RGS6: variants seen among roughly 807,000 people sequenced by gnomAD.
The protein encoded by RGS6 is regulator of G-protein signaling 6.
In RGS6, 30 loss-of-function variants were observed where a neutral mutation model predicts 78.5. That is an observed-to-expected ratio of 0.38 (90% confidence interval 0.29 to 0.52). The LOEUF (loss-of-function observed/expected upper bound fraction) is 0.52. Among genes scored for constraint, RGS6 ranks in the 20% least tolerant of loss-of-function variants. The pLI, the probability that RGS6 is intolerant of heterozygous loss-of-function variation, is 0.85. For missense variants in RGS6, 495 were observed against 609.7 expected, an observed-to-expected ratio of 0.81 and a Z score of 1.98; for synonymous variants, 206 against 206.0, an observed-to-expected ratio of 1.00 and a Z score of 0.00.
At chr14:72,086,504 AT>A (rs1469611148) in intron 2 of RGS6, among the ~76,000 whole-genome samples, 3 of 152,096 alleles carry the variant, frequency 2.0e-5, no homozygotes, top group Non-Finnish European at 4.4e-5. Context: ...AAGGCCTTCT[AT>A]CCTTCTTTGC....
chr14:72,060,992 T>A (rs974355775), intron 2 of RGS6, among the ~76,000 whole-genome samples: 1 of 152,148 alleles, frequency 6.6e-6, no homozygotes, highest in Non-Finnish European at 1.5e-5. Context: ...ATTCAAGACC[T>A]GTAAGGGGAA....
intron 2 of RGS6, among the ~76,000 whole-genome samples, chr14:72,093,335 C>G (rs765636388): frequency 1.3e-5 from 2 of 152,100 alleles, no homozygotes; most frequent in Non-Finnish European, 2.9e-5. Flanking sequence ...TCTACCTCCC[C>G]GGGCTCAAGT....
intron 4 of RGS6, among the ~76,000 whole-genome samples, chr14:72,455,356 C>T (rs982994573): frequency 2.0e-5 from 3 of 152,146 alleles, no homozygotes; most frequent in Non-Finnish European, 2.9e-5. Flanking sequence ...GACTTACCTG[C>T]CCCAAATTAA....
intron 2 of RGS6, among the ~76,000 whole-genome samples, chr14:72,119,641 T>C (rs2095998241): frequency 2.0e-5 from 3 of 152,210 alleles, no homozygotes; most frequent in Non-Finnish European, 4.4e-5. Context: ...AAGGCCATTC[T>C]TGGTGTTAGA....
chr14:71,876,880 A>G, the RGS6 span, among the ~76,000 whole-genome samples: 1 of 152,100 alleles, frequency 6.6e-6, no homozygotes, highest in Non-Finnish European at 1.5e-5. Flanking sequence ...GGTGGTGACA[A>G]AATCTCTCAG....
intron 2 of RGS6, among the ~76,000 whole-genome samples, chr14:72,145,878 G>C (rs756194492): frequency 7.2e-5 from 11 of 152,288 alleles, no homozygotes; most frequent in African/African-American, 1.7e-4. Flanking sequence ...TAGGGATAAA[G>C]GGCTCCCCTG....
intron 3 of RGS6, among the ~76,000 whole-genome samples, chr14:72,433,518 A>G (rs1198072811): frequency 1.3e-5 from 2 of 152,178 alleles, no homozygotes; most frequent in Non-Finnish European, 2.9e-5. Flanking sequence ...TTAAAAAAAA[A>G]AGAATAATCC....
chr14:71,904,811 ACTTTTCCTGATATTTGG>A, the RGS6 span, among the ~76,000 whole-genome samples: 18 of 150,576 alleles, frequency 1.2e-4, no homozygotes, highest in Admixed American at 2.7e-4. Flanking sequence ...TTGAATTTAT[ACTTTTCCTGATATTTGG>A]CTTTTCCTGA....
chr14:72,316,273 C>A (rs1048196912), intron 2 of RGS6, among the ~76,000 whole-genome samples: 5 of 152,076 alleles, frequency 3.3e-5, no homozygotes, highest in Non-Finnish European at 7.4e-5. Flanking sequence ...TTCTAGGGTA[C>A]ATGTGCACAA....
At chr14:72,554,160 A>C (rs1008432665) in intron 17 of RGS6, among the ~76,000 whole-genome samples, 1 of 152,234 alleles carries the variant, frequency 6.6e-6, no homozygotes, top group African/African-American at 2.4e-5. Context: ...ATGGACATTC[A>C]CTGAATTGTT....
Position 72,313,220 on chromosome 14 carries a change from G to A in RGS6, c.85-38875G>A, listed in dbSNP as rs144316984. Among the ~76,000 whole-genome samples, 219 of 152,294 alleles carry A rather than the reference G, an allele frequency of 1.4e-3. 1 individual carries two copies. Among genetic ancestry groups the A allele is most frequent in the Middle Eastern group, 0.014 (4 of 294 alleles). On this transcript the variant is annotated intron_variant, in intron 2 of 17. Transcript: ENST00000553525. ...AGATGCTACAGTCAGGAGATGCTAC[G>A]TAATTTTCTGGGCCCAGTGCAAAAT...
chr14:72,548,342 T>TGTGTGTGTGTGTGTGCGC (rs796698263), intron 17 of RGS6, among the ~76,000 whole-genome samples: 14 of 134,830 alleles, frequency 1.0e-4, no homozygotes, highest in Admixed American at 3.0e-4. Flanking sequence ...TGTGTGTGTG[T>TGTGTGTGTGTGTGTGCGC]GCGCGCGTGT....
chr14:72,437,953 A>G (rs757463470), intron 3 of RGS6, among the ~76,000 whole-genome samples: 6 of 152,244 alleles, frequency 3.9e-5, no homozygotes, highest in Non-Finnish European at 7.3e-5. Context: ...AAGAGAACAC[A>G]GACATTTTTA....
chr14:72,478,630 T>C (rs1325186356), intron 12 of RGS6, among the ~76,000 whole-genome samples: 1 of 152,238 alleles, frequency 6.6e-6, no homozygotes, highest in Non-Finnish European at 1.5e-5. Flanking sequence ...AGCCTCTGGA[T>C]TAATTCAAAT....
intron 13 of RGS6, among the ~76,000 whole-genome samples, chr14:72,499,783 C>T (rs931207467): frequency 6.6e-6 from 1 of 152,134 alleles, no homozygotes; most frequent in African/African-American, 2.4e-5. Context: ...ATTCAAGTCT[C>T]ACTCAGCACT....
chr14:72,354,044 G>C (rs1361561109), intron 3 of RGS6, among the ~76,000 whole-genome samples: 1 of 151,600 alleles, frequency 6.6e-6, no homozygotes, highest in Non-Finnish European at 1.5e-5. Context: ...GCACACACAG[G>C]GTCAATATTA....
At chr14:72,233,900 G>A (rs994352810) in intron 2 of RGS6, among the ~76,000 whole-genome samples, 5 of 152,122 alleles carry the variant, frequency 3.3e-5, no homozygotes, top group Middle Eastern at 3.2e-3. Flanking sequence ...TGTGGTGATG[G>A]GGTGAAGGAC....
intron 2 of RGS6, among the ~76,000 whole-genome samples, chr14:72,298,013 C>G (rs1376981630): frequency 1.3e-5 from 2 of 151,844 alleles, no homozygotes; most frequent in African/African-American, 4.8e-5. Flanking sequence ...TTAATTATAG[C>G]CTTGTAAAAT....
intron 2 of RGS6, among the ~76,000 whole-genome samples, chr14:72,085,712 G>C (rs1028445559): frequency 3.9e-5 from 6 of 152,000 alleles, no homozygotes; most frequent in African/African-American, 1.4e-4. Flanking sequence ...AAATTAGCTG[G>C]GTGTGGTGGT....
Sources: gnomAD v4.1 joint callset for allele counts (sites outside exome capture counted in the v4.1 genomes callset) on GRCh38, gnomAD v4.1.1 for gene constraint, MANE v1.5 for transcripts, NCBI Gene and HGNC (gene_info 2026-07-23, HGNC 2026-07-21) for gene names.